Variants in PIF1 observed in about 807,000 individuals in gnomAD.
The protein encoded by PIF1 is PIF1 5'-to-3' DNA helicase, also known as ATP-dependent DNA helicase PIF1.
Under a neutral mutation model 62.3 loss-of-function variants are expected in PIF1, and 67 were observed. That is an observed-to-expected ratio of 1.08 (90% CI 0.88 to 1.32). PIF1 has a LOEUF of 1.32. Ranked by LOEUF, PIF1 falls within the 40% of genes most tolerant of loss-of-function variation. The pLI, the probability that PIF1 is intolerant of heterozygous loss-of-function variation, is 0.00. For synonymous variants in PIF1, 364 were observed against 379.5 expected (o/e 0.96, Z 0.47); for missense variants, 886 against 866.1 (o/e 1.02, Z -0.29).
intron 6 of PIF1, 29 bp downstream of exon 6, chr15:64,821,138 G>A: frequency 6.2e-7 from 1 of 1,613,486 alleles, no homozygotes. Flanking sequence ...AGACCCCCAA[G>A]GAGAGCAGAG....
intron 4 of PIF1, 117 bp downstream of exon 4, chr15:64,822,149 A>G: frequency 2.2e-6 from 3 of 1,388,934 alleles, no homozygotes; most frequent in South Asian, 1.4e-5. Flanking sequence ...TTTTGGGATT[A>G]CAAGAGTGAG....
chr15:64,817,928 C>T lies in PIF1; in HGVS notation c.1674+18G>A. The T allele has an allele frequency of 6.2e-7, 1 of 1,601,986 alleles. No homozygotes were observed. Among genetic ancestry groups the T allele is most frequent in the Non-Finnish European group, 8.5e-7 (1 of 1,174,326 alleles). On this transcript the variant is annotated intron_variant, in intron 11 of 12. Coordinates refer to ENST00000559239, the MANE Select transcript of PIF1 (RefSeq NM_001286496.2). ...TCCCTCTGCCCTCCCTGTCCCTGCCCCCCACACCGGTGCTCACTTGGCTCT... is the reference window on the plus strand; with the variant it reads ...TCCCTCTGCCCTCCCTGTCCCTGCCTCCCACACCGGTGCTCACTTGGCTCT...
rs201967194 is a variant in PIF1, at chr15:64,821,464, C to T, written c.874G>A (p.Gly292Ser). The change falls in exon 5 of 13, where the codon GGC becomes AGC. Residue 292 changes from glycine (G) to serine (S), a missense_variant. Transcript: ENST00000559239. ...AQCVALAQRP[G>S]VRQGWLNCQR... is the part of the protein sequence containing the mutation. ...CAGTTCAGCCAGCCCTGCCGCACGC[C>T]TGGCCTTTGGGCCAGGGCCACACAC... is the stretch of plus-strand genomic sequence containing the variant. 6.2e-7 allele frequency: 1 copy of T among 1,614,184 alleles called. No homozygotes were observed. Among genetic ancestry groups the T allele is most frequent in the Non-Finnish European group, 8.5e-7 (1 of 1,180,042 alleles).
In PIF1 at chr15:64,818,287, C is replaced by A; in HGVS notation, c.1498G>T (p.Val500Leu). The A allele has an allele frequency of 6.2e-7, 1 of 1,614,170 alleles. No homozygotes were observed. Among genetic ancestry groups the A allele is most frequent in the Non-Finnish European group, 8.5e-7 (1 of 1,180,028 alleles). Residue 500 changes from valine (V) to leucine (L), a missense_variant, in exon 10 of 13, where the codon GTG (valine) becomes TTG (leucine). Transcript: ENST00000559239. ...SRGLVNGARGVVVGFEAEGRG... is the reference protein window; with the variant it reads ...SRGLVNGARGLVVGFEAEGRG... ...CCTTCTGCCTCGAACCCAACTACCA[C>A]CCCTCGGGCACCATTCACCAGGCCC... is the stretch of plus-strand genomic sequence containing the variant.
chr15:64,822,752 G>A, intron 2 of PIF1, 142 bp from the exon 3 acceptor site: 1 of 1,296,778 alleles, frequency 7.7e-7, no homozygotes, highest in East Asian at 2.5e-5. Flanking sequence ...GGTTTGCCTG[G>A]AGAGCTTGCC....
At chr15:64,826,669 C>CAGATACATAT (rs111251424), upstream of PIF1, among the ~76,000 whole-genome samples, 1 of 75,826 alleles carries the variant, frequency 1.3e-5, no homozygotes, top group Non-Finnish European at 2.4e-5. Context: ...TATATATACA[C>CAGATACATAT]ACACACACAC....
In PIF1 at chr15:64,821,153, G is replaced by A; in HGVS notation, c.1086+14C>T. 1 of 1,613,966 alleles carries A rather than the reference G, an allele frequency of 6.2e-7. No homozygotes were observed. Reference sequence around the variant, plus strand: ...AGACCCCCAAGGAGAGCAGAGCTAGGAGGTGAGTAATACCTGGAAGCAGAA... The same window carrying A: ...AGACCCCCAAGGAGAGCAGAGCTAGAAGGTGAGTAATACCTGGAAGCAGAA... On this transcript the variant is annotated intron_variant, in intron 6 of 12. Transcript: ENST00000559239.
At chr15:64,816,491 G>A (rs533409655) in intron 12 of PIF1, 83 bp downstream of exon 12, 19 of 1,593,282 alleles carry the variant, frequency 1.2e-5, no homozygotes, top group Non-Finnish European at 1.5e-5. Context: ...CCCCACCCCA[G>A]GTCCCACTGG....
Position 64,824,130 on chromosome 15 carries a change from A to T in PIF1, c.206T>A (p.Phe69Tyr). 7.8e-7 allele frequency: 1 copy of T among 1,283,052 alleles called. No homozygotes were observed. Among genetic ancestry groups the T allele is most frequent in the Non-Finnish European group, 9.8e-7 (1 of 1,017,124 alleles). 79.5% of individuals were successfully genotyped at this position (1,283,052 alleles called of 1,614,324 possible). The part of the protein sequence containing the change: ...APGPAGRPRC[F>Y]PLRAARLFTR... ...GAAGAGGCGCGCGGCGCGCAGAGGAAAGCAGCGCGGCCGCCCCGCGGGCCC... is the reference window on the plus strand; with the variant it reads ...GAAGAGGCGCGCGGCGCGCAGAGGATAGCAGCGCGGCCGCCCCGCGGGCCC... Residue 69 changes from phenylalanine to tyrosine, a missense_variant, in exon 2 of 13, where the codon TTT (phenylalanine) becomes TAT (tyrosine). By Grantham distance (22) the Phe-to-Tyr change is conservative. Coordinates refer to ENST00000559239, the MANE Select transcript of PIF1 (RefSeq NM_001286496.2).
upstream of PIF1, among the ~76,000 whole-genome samples, chr15:64,826,575 C>T (rs1300942348): frequency 1.4e-5 from 2 of 139,154 alleles, no homozygotes; most frequent in East Asian, 4.2e-4. Context: ...GTGATCCTCC[C>T]GCCTCAGCCC....
chr15:64,819,031 A>T, intron 9 of PIF1, 86 bp downstream of exon 9: 1 of 971,182 alleles, frequency 1.0e-6, no homozygotes, highest in Non-Finnish European at 1.5e-6. Context: ...CTGGCTGCAG[A>T]GTGGCCTGGG....
chr15:64,826,669 C>CATACATATACATAT (rs111251424), upstream of PIF1, among the ~76,000 whole-genome samples: 55 of 75,824 alleles, frequency 7.3e-4, 1 homozygote, highest in Middle Eastern at 7.6e-3. Context: ...TATATATACA[C>CATACATATACATAT]ACACACACAC....
chr15:64,824,904 T>TAC (rs1207320556), intron 1 of PIF1, among the ~76,000 whole-genome samples: 5 of 149,868 alleles, frequency 3.3e-5, no homozygotes, highest in Non-Finnish European at 5.9e-5. Context: ...TATATATATA[T>TAC]ATACACACAC....
chr15:64,821,762 T>C, intron 4 of PIF1: 1 of 464,318 alleles, frequency 2.2e-6, no homozygotes, highest in Non-Finnish European at 3.8e-6. Context: ...TGTTTTGAGA[T>C]GGAGTCTCGC....
rs2084290351 is a variant in PIF1, at chr15:64,821,592, GAGA to G, written c.818-75_818-73del. ...TTTTTTTTTTTTTTTTTTTTTTTGA[GAGA>G]AGGTCTCTTTCTGTCACCCAGGCTG... is the stretch of plus-strand genomic sequence containing the variant. On this transcript the variant is annotated intron_variant, in intron 4 of 12. Transcript: ENST00000559239. The G allele has an allele frequency of 1.7e-5, 23 of 1,339,430 alleles. No individual in the cohort carries two copies. The South Asian group carries it at 2.7e-4, about 15-fold the overall frequency. 83.0% of individuals were successfully genotyped at this position (1,339,430 alleles called of 1,614,324 possible). A position where few individuals can be genotyped will look rare whatever the true frequency, so the allele number is the denominator to read the frequency against.
chr15:64,826,006 G>A (rs2084363723), upstream of PIF1, among the ~76,000 whole-genome samples: 1 of 152,156 alleles, frequency 6.6e-6, no homozygotes, highest in African/African-American at 2.4e-5. Flanking sequence ...CAGAGGCTGG[G>A]CTTAGCCTTG....
intron 1 of PIF1, among the ~76,000 whole-genome samples, 182 bp from the exon 2 acceptor site, chr15:64,824,536 C>T (rs2084340110): frequency 6.6e-6 from 1 of 152,114 alleles, no homozygotes; most frequent in Admixed American, 6.6e-5. Context: ...TTTGGGCTAA[C>T]CGAAAATCCA....
chr15:64,822,699 G>C (rs1198268691), intron 2 of PIF1, 89 bp from the exon 3 acceptor site: 20 of 1,559,608 alleles, frequency 1.3e-5, no homozygotes, highest in Non-Finnish European at 1.6e-5. Context: ...GCTGGGCCTG[G>C]TAACCCTTTG....
intron 4 of PIF1, 134 bp downstream of exon 4, chr15:64,822,132 C>A: frequency 8.3e-7 from 1 of 1,200,286 alleles, no homozygotes; most frequent in Non-Finnish European, 1.2e-6. Context: ...ACCTTGGCCT[C>A]CTAAAGTTTT....
Sources: gnomAD v4.1 joint callset for allele counts (sites outside exome capture counted in the v4.1 genomes callset) on GRCh38, gnomAD v4.1.1 for gene constraint, MANE v1.5 for transcripts, NCBI Gene and HGNC (gene_info 2026-07-23, HGNC 2026-07-21) for gene names.